Variants in KCTD1 observed in about 807,000 individuals in gnomAD.
KCTD1 encodes the protein potassium channel tetramerization domain containing 1.
Under a neutral mutation model 66.0 loss-of-function variants are expected in KCTD1, and 24 were observed. The observed-to-expected ratio is 0.36, with a 90% confidence interval of 0.26 to 0.51. The LOEUF (loss-of-function observed/expected upper bound fraction) is 0.51, where lower values mean the gene tolerates loss of function less well. Ranked by LOEUF, KCTD1 falls within the 20% of genes least tolerant of loss-of-function variation. KCTD1 has a pLI of 0.95. For synonymous variants in KCTD1, 511 were observed against 517.2 expected (o/e 0.99, Z 0.16); for missense variants, 943 against 1,205.2 (o/e 0.78, Z 3.22).
chr18:26,533,636 C>A (rs917063049), intron 1 of KCTD1, among the ~76,000 whole-genome samples: 1 of 152,064 alleles, frequency 6.6e-6, no homozygotes, highest in African/African-American at 2.4e-5. Flanking sequence ...GTAGCTGGGA[C>A]TACAGGCATG....
rs1231818127 is a variant in KCTD1 at position 26,547,742 on chromosome 18, C to G, written c.795G>C (p.Ala265=). ...CCTGCTCCTCGAGCTTGCGGATGAC[C>G]GCGGCCAGCGTCAGGTTGGCGCTGC... is the stretch of plus-strand genomic sequence containing the variant. The part of the protein sequence containing the change: ...ELRSANLTLA[A]VIRKLEEQGA... The change falls in exon 1 of 5, where the codon GCG becomes GCC. Residue 265 remains alanine (A), a synonymous_variant. Transcript: ENST00000580059. 1.3e-6 allele frequency: 2 copies of G among 1,545,322 alleles called. No individual in the cohort carries two copies. The highest frequency in any genetic ancestry group is 1.7e-6 in the Non-Finnish European group (2 of 1,146,680).
chr18:26,500,498 C>A (rs1012401192), intron 2 of KCTD1, among the ~76,000 whole-genome samples: 1 of 152,074 alleles, frequency 6.6e-6, no homozygotes, highest in Non-Finnish European at 1.5e-5. Context: ...ATGTATACTG[C>A]CTACTTGTAA....
intron 1 of KCTD1, among the ~76,000 whole-genome samples, chr18:26,567,825 G>T (rs910626338): frequency 6.6e-6 from 1 of 152,140 alleles, no homozygotes; most frequent in East Asian, 1.9e-4. Context: ...ACAGTAAATA[G>T]AAACTTTGAA....
At chr18:26,549,741 A>G, upstream of KCTD1, 1 of 985,364 alleles carries the variant, frequency 1.0e-6, no homozygotes, top group Non-Finnish European at 1.2e-6. Flanking sequence ...AAAGTTTGCC[A>G]ACCGCCATTC....
At chr18:26,526,838 A>G (rs956913810) in intron 1 of KCTD1, among the ~76,000 whole-genome samples, 1 of 148,824 alleles carries the variant, frequency 6.7e-6, no homozygotes, top group Non-Finnish European at 1.5e-5. Flanking sequence ...AAGAACTGGT[A>G]TTTTCAGTCC....
chr18:26,482,056 G>A (rs1056776911), intron 2 of KCTD1, among the ~76,000 whole-genome samples: 1 of 152,118 alleles, frequency 6.6e-6, no homozygotes, highest in Admixed American at 6.5e-5. Flanking sequence ...TGGAGACACC[G>A]AGTCACAAAT....
intron 1 of KCTD1, among the ~76,000 whole-genome samples, chr18:26,614,466 T>C (rs572067824): frequency 2.6e-5 from 4 of 152,270 alleles, no homozygotes; most frequent in Admixed American, 2.6e-4. Context: ...AGGGGAGTTT[T>C]TGAGATGAGC....
chr18:26,517,333 G>C (rs1286780595), intron 1 of KCTD1, among the ~76,000 whole-genome samples: 1 of 152,086 alleles, frequency 6.6e-6, no homozygotes, highest in East Asian at 1.9e-4. Flanking sequence ...TAGTGAATAA[G>C]TCTCACGAGA....
intron 1 of KCTD1, among the ~76,000 whole-genome samples, chr18:26,570,165 GA>G (rs1986069863): frequency 7.9e-6 from 1 of 126,530 alleles, no homozygotes; most frequent in Admixed American, 9.1e-5. Context: ...CAGCCTGGGC[GA>G]CAGAGCAAGA....
At chr18:26,568,637 G>A (rs1352600674) in intron 1 of KCTD1, among the ~76,000 whole-genome samples, 1 of 152,062 alleles carries the variant, frequency 6.6e-6, no homozygotes, top group Non-Finnish European at 1.5e-5. Flanking sequence ...ATCTAAAACC[G>A]TTACACTGTA....
intron 2 of KCTD1, among the ~76,000 whole-genome samples, chr18:26,477,929 G>A (rs903511432): frequency 2.0e-5 from 3 of 152,038 alleles, no homozygotes; most frequent in African/African-American, 2.4e-5. Flanking sequence ...AACTTTCCAC[G>A]AATTGCCTGT....
chr18:26,634,248 C>T (rs1251410542), intron 1 of KCTD1, among the ~76,000 whole-genome samples: 1 of 152,166 alleles, frequency 6.6e-6, no homozygotes, highest in African/African-American at 2.4e-5. Context: ...CACCTCTAGA[C>T]TAGCACACTG....
At chr18:26,508,575 C>T (rs1983167579) in intron 1 of KCTD1, among the ~76,000 whole-genome samples, 1 of 152,120 alleles carries the variant, frequency 6.6e-6, no homozygotes, top group Non-Finnish European at 1.5e-5. Context: ...CTTAGTGATA[C>T]CTCCAGAAAA....
chr18:26,508,139 A>T (rs1983142549), intron 1 of KCTD1, among the ~76,000 whole-genome samples: 1 of 152,116 alleles, frequency 6.6e-6, no homozygotes, highest in Non-Finnish European at 1.5e-5. Context: ...ACTAAAATAT[A>T]CTCTGACATG....
intron 1 of KCTD1, among the ~76,000 whole-genome samples, chr18:26,578,060 T>TTCTTTCTTTC (rs1567999114): frequency 4.4e-4 from 62 of 140,956 alleles, no homozygotes; most frequent in African/African-American, 1.7e-3. Context: ...TTTCTTTCTT[T>TTCTTTCTTTC]TTTTTTTTTT....
chr18:26,503,356 G>A lies in KCTD1; in HGVS notation c.1810-2106C>T, dbSNP rs541230007. On this transcript the variant is annotated intron_variant, in intron 1 of 4. Transcript: ENST00000580059. ...TGGTAGGAAATATGAAACAGGTAAG[G>A]TTCAGAAATACTAAAAGTAGCATTT... 1.7e-3 allele frequency among the ~76,000 whole-genome samples: 262 copies of A among 152,212 alleles called. 1 individual carries two copies. Among genetic ancestry groups the A allele is most frequent in the Middle Eastern group, 3.4e-3 (1 of 294 alleles).
At chr18:26,611,762 C>T (rs116516839) in intron 1 of KCTD1, among the ~76,000 whole-genome samples, 6,636 of 152,278 alleles carry the variant, frequency 0.044, 202 homozygotes, top group Middle Eastern at 0.12. Flanking sequence ...CTTTTGCATG[C>T]CTGGTAATCT....
At chr18:26,514,930 A>G (rs534012681) in intron 1 of KCTD1, among the ~76,000 whole-genome samples, 1 of 152,228 alleles carries the variant, frequency 6.6e-6, no homozygotes, top group Non-Finnish European at 1.5e-5. Flanking sequence ...AGAAGATATC[A>G]GTGAAAGCTT....
intron 3 of KCTD1, among the ~76,000 whole-genome samples, chr18:26,475,452 A>C (rs1022330591): frequency 6.6e-6 from 1 of 152,116 alleles, no homozygotes; most frequent in African/African-American, 2.4e-5. Context: ...CAGTTTTCTT[A>C]ATCAGCCTTT....
Sources: gnomAD v4.1 joint callset for allele counts (sites outside exome capture counted in the v4.1 genomes callset) on GRCh38, gnomAD v4.1.1 for gene constraint, MANE v1.5 for transcripts, NCBI Gene and HGNC (gene_info 2026-07-23, HGNC 2026-07-21) for gene names.